The following HPSE2 variants were observed in gnomAD, a reference collection of about 807,000 sequenced individuals.
The protein encoded by HPSE2 is inactive heparanase-2.
Under a neutral mutation model 60.5 loss-of-function variants are expected in HPSE2, and 38 were observed. That is an observed-to-expected ratio of 0.63 (90% CI 0.48 to 0.82). The LOEUF is 0.82. Ranked by LOEUF, HPSE2 falls within the 40% of genes least tolerant of loss-of-function variation. HPSE2 has a pLI of 0.00. For missense variants in HPSE2, 713 were observed against 740.4 expected (o/e 0.96, Z 0.43); for synonymous variants, 295 against 293.2 (o/e 1.01, Z -0.06).
intron 3 of HPSE2, among the ~76,000 whole-genome samples, chr10:99,070,681 T>C (rs967989712): frequency 3.9e-5 from 6 of 152,186 alleles, no homozygotes; most frequent in Non-Finnish European, 7.3e-5. Flanking sequence ...CCCCCAGCCT[T>C]TGGCAGCCAC....
intron 3 of HPSE2, among the ~76,000 whole-genome samples, chr10:98,893,537 T>G (rs1017082643): frequency 1.3e-5 from 2 of 152,050 alleles, no homozygotes; most frequent in African/African-American, 4.8e-5. Context: ...AGATCAAATA[T>G]TAAAAGAAAA....
At chr10:98,593,401 T>C (rs1274797038) in intron 9 of HPSE2, among the ~76,000 whole-genome samples, 1 of 151,918 alleles carries the variant, frequency 6.6e-6, no homozygotes, top group Non-Finnish European at 1.5e-5. Context: ...TTGGATGGCA[T>C]GCTTAGGAGT....
At chr10:99,133,636 G>A (rs995311967) in intron 3 of HPSE2, among the ~76,000 whole-genome samples, 1 of 152,252 alleles carries the variant, frequency 6.6e-6, no homozygotes, top group East Asian at 1.9e-4. Flanking sequence ...CAGCAGACCA[G>A]CAGCAGAGGG....
At chr10:99,267,064 C>G in the HPSE2 span, among the ~76,000 whole-genome samples, 2 of 152,084 alleles carry the variant, frequency 1.3e-5, no homozygotes, top group Non-Finnish European at 2.9e-5. Flanking sequence ...ACCAGAATAA[C>G]AATTCTGGTA....
intron 9 of HPSE2, among the ~76,000 whole-genome samples, chr10:98,569,043 A>C (rs966137655): frequency 1.3e-5 from 2 of 150,094 alleles, no homozygotes; most frequent in African/African-American, 4.9e-5. Context: ...TATCTCAATA[A>C]AGTTGTTATT....
chr10:99,252,137 C>T, the HPSE2 span, among the ~76,000 whole-genome samples: 2 of 152,078 alleles, frequency 1.3e-5, no homozygotes, highest in Admixed American at 1.3e-4. Flanking sequence ...ATAGAAACCC[C>T]CAAGAAACTA....
At chr10:98,736,296 A>AC (rs1320442981) in intron 4 of HPSE2, among the ~76,000 whole-genome samples, 1 of 151,934 alleles carries the variant, frequency 6.6e-6, no homozygotes, top group African/African-American at 2.4e-5. Context: ...CACCCCAGTC[A>AC]CATGGAACTG....
chr10:99,187,047 G>A (rs532463228), intron 2 of HPSE2, among the ~76,000 whole-genome samples: 1 of 152,172 alleles, frequency 6.6e-6, no homozygotes, highest in East Asian at 1.9e-4. Flanking sequence ...GCCTCCCAAA[G>A]TGCTGGGATT....
At chr10:98,484,689 T>C (rs1391659174) in intron 10 of HPSE2, among the ~76,000 whole-genome samples, 1 of 152,234 alleles carries the variant, frequency 6.6e-6, no homozygotes, top group East Asian at 1.9e-4. Context: ...GTAGTCAAAT[T>C]TATCTTTTTG....
chr10:98,984,592 C>T, intron 3 of HPSE2, among the ~76,000 whole-genome samples: 1 of 152,306 alleles, frequency 6.6e-6, no homozygotes, highest in South Asian at 2.1e-4. Context: ...TGCCTCTCCT[C>T]CTACAAAGGA....
intron 9 of HPSE2, among the ~76,000 whole-genome samples, chr10:98,509,306 C>T (rs1942306850): frequency 6.6e-6 from 1 of 151,322 alleles, no homozygotes; most frequent in African/African-American, 2.4e-5. Context: ...GAGACTCCGT[C>T]TCAAAAACAA....
chr10:99,070,582 G>C (rs929149860), intron 3 of HPSE2, among the ~76,000 whole-genome samples: 2 of 152,166 alleles, frequency 1.3e-5, no homozygotes, highest in Non-Finnish European at 2.9e-5. Flanking sequence ...CAGGTACAAT[G>C]TTGTACAGCA....
At chr10:99,248,842 G>A in the HPSE2 span, among the ~76,000 whole-genome samples, 13 of 152,196 alleles carry the variant, frequency 8.5e-5, no homozygotes, top group Admixed American at 5.9e-4. Context: ...TCCAGCTCAA[G>A]CCATGGCTAA....
At chr10:98,957,360 CTCTCAGCTCCCTCGGCCT>C (rs1401013045) in intron 3 of HPSE2, among the ~76,000 whole-genome samples, 1 of 152,146 alleles carries the variant, frequency 6.6e-6, no homozygotes, top group Non-Finnish European at 1.5e-5. Flanking sequence ...TTTCTCTGGC[CTCTCAGCTCCCTCGGCCT>C]TCAGGGGTAG....
intron 3 of HPSE2, among the ~76,000 whole-genome samples, chr10:99,046,652 C>T (rs540865974): frequency 1.3e-5 from 2 of 152,156 alleles, no homozygotes; most frequent in South Asian, 4.1e-4. Flanking sequence ...AATCAATATA[C>T]ACAAATCAGT....
chr10:98,802,699 T>G (rs1950943712), intron 3 of HPSE2, among the ~76,000 whole-genome samples: 1 of 151,048 alleles, frequency 6.6e-6, no homozygotes, highest in Non-Finnish European at 1.5e-5. Flanking sequence ...ATGTGCCACA[T>G]TTTCTTAATC....
At chr10:98,554,515 A>G (rs1172078177) in intron 9 of HPSE2, among the ~76,000 whole-genome samples, 1 of 152,134 alleles carries the variant, frequency 6.6e-6, no homozygotes, top group Non-Finnish European at 1.5e-5. Context: ...ATAAAATTTT[A>G]AGTTCTTTGT....
intron 9 of HPSE2, among the ~76,000 whole-genome samples, chr10:98,572,066 A>C (rs547031392): frequency 1.3e-5 from 2 of 150,076 alleles, no homozygotes; most frequent in South Asian, 4.2e-4. Flanking sequence ...TCAGCCTCCC[A>C]AGTAGCTGGG....
intron 6 of HPSE2, among the ~76,000 whole-genome samples, chr10:98,681,140 C>A (rs1947777107): frequency 6.6e-6 from 1 of 151,716 alleles, no homozygotes; most frequent in African/African-American, 2.4e-5. Context: ...TAGAGTTAGG[C>A]TTTTGAAAGA....
Sources: gnomAD v4.1 joint callset for allele counts (sites outside exome capture counted in the v4.1 genomes callset) on GRCh38, gnomAD v4.1.1 for gene constraint, MANE v1.5 for transcripts, NCBI Gene and HGNC (gene_info 2026-07-23, HGNC 2026-07-21) for gene names.